RAB3C: variants seen among roughly 807,000 people sequenced by gnomAD.
RAB3C encodes the protein RAB3C, member RAS oncogene family.
Under a neutral mutation model 26.4 loss-of-function variants are expected in RAB3C, and 17 were observed. The observed-to-expected ratio is 0.64, with a 90% CI of 0.44 to 0.97. RAB3C has a LOEUF of 0.97. RAB3C is among the 50% of genes least tolerant of loss of function. RAB3C has a pLI of 0.00. For missense variants in RAB3C, 242 were observed against 281.9 expected (o/e 0.86, Z 1.01); for synonymous variants, 91 against 95.9 (o/e 0.95, Z 0.30).
At chr5:58,672,297 C>A (rs1207225743) in intron 2 of RAB3C, among the ~76,000 whole-genome samples, 1 of 152,162 alleles carries the variant, frequency 6.6e-6, no homozygotes, top group Non-Finnish European at 1.5e-5. Flanking sequence ...ACACGGGAAC[C>A]ACTGCCCTGC....
chr5:58,665,583 C>T (rs1300019165), intron 2 of RAB3C, among the ~76,000 whole-genome samples: 1 of 152,052 alleles, frequency 6.6e-6, no homozygotes, highest in African/African-American at 2.4e-5. Flanking sequence ...AATAAATGGT[C>T]CATTAAATGC....
intron 1 of RAB3C, among the ~76,000 whole-genome samples, chr5:58,583,618 G>A (rs1222307115): frequency 6.6e-6 from 1 of 152,158 alleles, no homozygotes; most frequent in East Asian, 1.9e-4. Context: ...ATCAGATTCG[G>A]GGTTGAAGGC....
Position 58,856,833 on chromosome 5 carries a change from T to C in RAB3C, c.*5482T>C, listed in dbSNP as rs1744269371. ...TTCTTGTAAAAGTAAAGTTTGGGTATTGTTTGCTGTATCAATATGATGGCT... is the reference window on the plus strand; with the variant it reads ...TTCTTGTAAAAGTAAAGTTTGGGTACTGTTTGCTGTATCAATATGATGGCT... On this transcript the variant is annotated 3_prime_UTR_variant, in exon 5 of 5. Transcript: ENST00000282878. 6.6e-6 allele frequency: 1 copy of C among 152,192 alleles called. No homozygotes were observed. Among genetic ancestry groups the C allele is most frequent in the Non-Finnish European group, 1.5e-5 (1 of 68,032 alleles). 9.4% of individuals were successfully genotyped at this position (152,192 alleles called of 1,614,324 possible).
At chr5:58,776,571 G>A (rs971565121) in intron 3 of RAB3C, among the ~76,000 whole-genome samples, 1 of 152,062 alleles carries the variant, frequency 6.6e-6, no homozygotes, top group Non-Finnish European at 1.5e-5. Flanking sequence ...ATAAAACTAA[G>A]CCTATTATTT....
chr5:58,730,981 C>T (rs1382189685), intron 3 of RAB3C, among the ~76,000 whole-genome samples: 1 of 152,032 alleles, frequency 6.6e-6, no homozygotes, highest in Non-Finnish European at 1.5e-5. Context: ...GGGGAGCTGC[C>T]ATTTATAAAA....
chr5:58,726,242 C>T (rs1022948405), intron 3 of RAB3C, 122 bp downstream of exon 3: 24 of 509,780 alleles, frequency 4.7e-5, no homozygotes, highest in East Asian at 3.4e-4. Flanking sequence ...ACTACAATCC[C>T]GCTTGTGCTT....
At chr5:58,839,911 G>GTT (rs80006938) in intron 4 of RAB3C, among the ~76,000 whole-genome samples, 1 of 145,838 alleles carries the variant, frequency 6.9e-6, no homozygotes, top group African/African-American at 2.5e-5. Context: ...TGGTTGGGAG[G>GTT]TTTTTTTTTT....
intron 4 of RAB3C, among the ~76,000 whole-genome samples, chr5:58,841,575 C>T (rs79114594): frequency 0.024 from 3,695 of 152,194 alleles, 155 homozygotes; most frequent in African/African-American, 0.085. Context: ...ACCTTGTGCT[C>T]CTGCTACAGG....
At chr5:58,758,150 T>G (rs1242793079) in intron 3 of RAB3C, among the ~76,000 whole-genome samples, 1 of 152,118 alleles carries the variant, frequency 6.6e-6, no homozygotes, top group Non-Finnish European at 1.5e-5. Context: ...TTCACTGTGT[T>G]AGTCAGGATG....
chr5:58,697,501 C>T (rs1443131347), intron 2 of RAB3C, among the ~76,000 whole-genome samples: 1 of 152,162 alleles, frequency 6.6e-6, no homozygotes, highest in Non-Finnish European at 1.5e-5. Flanking sequence ...TCTCGTTGAT[C>T]TGCCTAATAT....
intron 1 of RAB3C, among the ~76,000 whole-genome samples, chr5:58,603,863 A>G (rs1349935959): frequency 6.6e-6 from 1 of 152,006 alleles, no homozygotes; most frequent in Non-Finnish European, 1.5e-5. Context: ...TGTGATTTTT[A>G]GGGGTGTTGA....
chr5:58,753,016 TA>T (rs113782669), intron 3 of RAB3C, among the ~76,000 whole-genome samples: 1,652 of 148,346 alleles, frequency 0.011, 17 homozygotes, highest in African/African-American at 0.03. Context: ...AAGGAATTAT[TA>T]AAAAAAAAAA....
At chr5:58,711,857 G>A (rs968603865) in intron 2 of RAB3C, among the ~76,000 whole-genome samples, 1 of 152,120 alleles carries the variant, frequency 6.6e-6, no homozygotes, top group African/African-American at 2.4e-5. Context: ...GGATACTATA[G>A]TTTTAAAGAT....
chr5:58,682,907 A>G (rs1748376791), intron 2 of RAB3C, among the ~76,000 whole-genome samples: 1 of 152,162 alleles, frequency 6.6e-6, no homozygotes, highest in Non-Finnish European at 1.5e-5. Flanking sequence ...CAAAATTATA[A>G]CACAAAAGAC....
chr5:58,619,453 T>C (rs1057512398), intron 2 of RAB3C, among the ~76,000 whole-genome samples: 2 of 152,198 alleles, frequency 1.3e-5, no homozygotes, highest in Admixed American at 6.5e-5. Context: ...CGTATTAAGT[T>C]TTAAGGAAGG....
intron 3 of RAB3C, among the ~76,000 whole-genome samples, chr5:58,803,460 A>T (rs1742856414): frequency 6.6e-6 from 1 of 152,212 alleles, no homozygotes; most frequent in Admixed American, 6.5e-5. Flanking sequence ...TTACAACTAT[A>T]CTTATACTGC....
intron 2 of RAB3C, among the ~76,000 whole-genome samples, chr5:58,699,377 C>A (rs372260202): frequency 6.6e-6 from 1 of 152,208 alleles, no homozygotes. Flanking sequence ...AGGTTTCTGT[C>A]AACCCCTACT....
In RAB3C at chr5:58,857,278, G is replaced by A. The variant is rs1744285097; in HGVS notation, c.*5927G>A. 1 of 152,108 alleles carries A rather than the reference G, an allele frequency of 6.6e-6. No homozygotes were observed. Among genetic ancestry groups the A allele is most frequent in the Non-Finnish European group, 1.5e-5 (1 of 68,012 alleles). 9.4% of individuals were successfully genotyped at this position (152,108 alleles called of 1,614,324 possible). ...TTGGTGTCATGTAAAACCCCTCTGT[G>A]CCTACTTCAAAATACTTTTTTCTTA... On this transcript the variant is annotated 3_prime_UTR_variant, in exon 5 of 5. Coordinates refer to ENST00000282878, the MANE Select transcript of RAB3C (RefSeq NM_138453.4).
chr5:58,606,994 C>A (rs190058058), intron 1 of RAB3C, among the ~76,000 whole-genome samples: 5 of 152,132 alleles, frequency 3.3e-5, no homozygotes, highest in Non-Finnish European at 5.9e-5. Context: ...CAAAAACCAG[C>A]GCGCCTCTTC....
Sources: allele counts gnomAD v4.1 joint callset (sites outside exome capture counted in the v4.1 genomes callset), GRCh38; gene constraint gnomAD v4.1.1; transcripts MANE v1.5; gene names NCBI Gene and HGNC (gene_info 2026-07-23, HGNC 2026-07-21).